Variants in POFUT3 observed in about 807,000 individuals in gnomAD.
POFUT3 encodes the protein GDP-fucose protein O-fucosyltransferase 3.
the POFUT3 span, among the ~76,000 whole-genome samples, chr8:33,321,103 T>C: frequency 5.9e-5 from 9 of 152,118 alleles, no homozygotes; most frequent in Admixed American, 6.6e-5. Context: ...CATCCCATTA[T>C]GGCCCCTGGC....
the POFUT3 span, chr8:33,453,356 T>A: frequency 6.2e-7 from 1 of 1,614,224 alleles, no homozygotes; most frequent in Non-Finnish European, 8.5e-7. Flanking sequence ...GGGGTAGCTG[T>A]CCAATTCCCA....
the POFUT3 span, among the ~76,000 whole-genome samples, chr8:33,390,199 GTGTCATACACAC>G: frequency 6.8e-6 from 1 of 147,898 alleles, no homozygotes; most frequent in African/African-American, 2.7e-5. Context: ...GTGTGTGTGT[GTGTCATACACAC>G]ACACACACAC....
At chr8:33,340,608 A>G in the POFUT3 span, among the ~76,000 whole-genome samples, 1 of 152,182 alleles carries the variant, frequency 6.6e-6, no homozygotes, top group South Asian at 2.1e-4. Context: ...TATATCATTT[A>G]AACATTAATC....
chr8:33,414,171 G>A, the POFUT3 span, among the ~76,000 whole-genome samples: 45,927 of 151,850 alleles, frequency 0.3, 7,069 homozygotes, highest in South Asian at 0.44. Flanking sequence ...ACCAAGAGGC[G>A]ATTAAAAGTC....
At chr8:33,413,256 G>A in the POFUT3 span, among the ~76,000 whole-genome samples, 35 of 152,204 alleles carry the variant, frequency 2.3e-4, 2 homozygotes, top group South Asian at 6.6e-3. Context: ...ATTAGGTTTC[G>A]ATGAGGTCAT....
At chr8:33,404,968 G>A in the POFUT3 span, among the ~76,000 whole-genome samples, 1 of 151,974 alleles carries the variant, frequency 6.6e-6, no homozygotes, top group African/African-American at 2.4e-5. Context: ...ATTTGCTACT[G>A]CCAACAGGAC....
the POFUT3 span, chr8:33,372,026 G>C: frequency 2.5e-6 from 1 of 401,170 alleles, no homozygotes; most frequent in Admixed American, 6.4e-5. Context: ...TCAGGGTATG[G>C]AGAAGAAGGT....
the POFUT3 span, among the ~76,000 whole-genome samples, chr8:33,441,091 G>A: frequency 6.6e-6 from 1 of 152,054 alleles, no homozygotes; most frequent in Admixed American, 6.6e-5. Context: ...AGCACTTTGG[G>A]AGGCCGAGGT....
At chr8:33,453,705 G>T in the POFUT3 span, among the ~76,000 whole-genome samples, 4 of 152,110 alleles carry the variant, frequency 2.6e-5, no homozygotes, top group Admixed American at 1.3e-4. Context: ...TGCGTCGTCA[G>T]GGGGGCAAGG....
chr8:33,458,629 T>G, the POFUT3 span, among the ~76,000 whole-genome samples: 1 of 151,228 alleles, frequency 6.6e-6, no homozygotes, highest in Non-Finnish European at 1.5e-5. Flanking sequence ...GGCAGGAGAA[T>G]TGCTTGAACC....
chr8:33,311,462 C>T, the POFUT3 span, among the ~76,000 whole-genome samples: 58 of 152,274 alleles, frequency 3.8e-4, no homozygotes, highest in African/African-American at 1.3e-3. Context: ...AAGGGGATAA[C>T]CATCATTACT....
chr8:33,413,292 T>C, the POFUT3 span, among the ~76,000 whole-genome samples: 4 of 152,116 alleles, frequency 2.6e-5, no homozygotes, highest in African/African-American at 7.2e-5. Context: ...ATGATAGGAT[T>C]AGTGCTCTTC....
the POFUT3 span, among the ~76,000 whole-genome samples, chr8:33,386,214 A>AAAAAT: frequency 6.7e-6 from 1 of 149,784 alleles, no homozygotes; most frequent in African/African-American, 2.5e-5. Flanking sequence ...AAAAAAAAAA[A>AAAAAT]GTGGTCTAAT....
At chr8:33,344,296 T>C in the POFUT3 span, among the ~76,000 whole-genome samples, 1 of 152,228 alleles carries the variant, frequency 6.6e-6, no homozygotes, top group Non-Finnish European at 1.5e-5. Flanking sequence ...GAACAAGCTG[T>C]GCTCAGAGAT....
chr8:33,469,619 T>G, the POFUT3 span, among the ~76,000 whole-genome samples: 1 of 152,064 alleles, frequency 6.6e-6, no homozygotes, highest in Non-Finnish European at 1.5e-5. Flanking sequence ...TCCTCAATCC[T>G]TAAATTCCAG....
chr8:33,358,953 T>C, the POFUT3 span, among the ~76,000 whole-genome samples: 3 of 152,046 alleles, frequency 2.0e-5, no homozygotes, highest in African/African-American at 7.2e-5. Flanking sequence ...AGACACCAAA[T>C]CAGCTGGCAC....
At chr8:33,380,014 A>ACTATATATATAGTAT in the POFUT3 span, among the ~76,000 whole-genome samples, 43 of 69,026 alleles carry the variant, frequency 6.2e-4, 5 homozygotes, top group African/African-American at 2.9e-3. Context: ...CTATATATAT[A>ACTATATATATAGTAT]GTATATATAT....
the POFUT3 span, among the ~76,000 whole-genome samples, chr8:33,397,804 C>T: frequency 6.6e-6 from 1 of 152,146 alleles, no homozygotes. Flanking sequence ...CCCCAGGGTG[C>T]TCTCAACCTC....
the POFUT3 span, among the ~76,000 whole-genome samples, chr8:33,330,470 T>A: frequency 1.3e-5 from 2 of 151,738 alleles, no homozygotes; most frequent in African/African-American, 4.8e-5. Flanking sequence ...ACAAAAAAAA[T>A]TTCCACCCCT....
Sources: gnomAD v4.1 joint callset for allele counts (sites outside exome capture counted in the v4.1 genomes callset) on GRCh38, gnomAD v4.1.1 for gene constraint, MANE v1.5 for transcripts, NCBI Gene and HGNC (gene_info 2026-07-23, HGNC 2026-07-21) for gene names.